MTAP: variants seen among roughly 807,000 people sequenced by gnomAD.
MTAP encodes S-methyl-5'-thioadenosine phosphorylase.
A neutral mutation model predicts 33.6 loss-of-function variants in MTAP; 33 were observed. That is an observed-to-expected ratio of 0.98 (90% CI 0.74 to 1.31). MTAP has a LOEUF of 1.31. Ranked by LOEUF, MTAP falls within the 40% of genes most tolerant of loss-of-function variation. The pLI is 0.00. For missense variants in MTAP, 367 were observed against 360.0 expected, an observed-to-expected ratio of 1.02 and a Z score of -0.16; for synonymous variants, 148 against 125.7, an observed-to-expected ratio of 1.18 and a Z score of -1.19.
Position 21,865,654 on chromosome 9 carries a change from T to C in MTAP, c.*3640T>C. The C allele has an allele frequency of 1.0e-6, 1 of 999,084 alleles. No individual in the cohort carries two copies. The highest frequency in any genetic ancestry group is 1.2e-6 in the Non-Finnish European group (1 of 836,884). The allele number at this position is 999,084 out of a possible 1,614,324, so 61.9% of individuals were successfully genotyped here. A position where few individuals can be genotyped will look rare whatever the true frequency, so the allele number is the denominator to read the frequency against. ...GGAAGAAAAGAAGGAATGCCAAAGA[T>C]CGAGGAAATCTACCAAGACTAGTAG... is the stretch of plus-strand genomic sequence containing the variant. On this transcript the variant is annotated 3_prime_UTR_variant, in exon 8 of 8. Transcript: ENST00000644715.
At chr9:21,939,410 A>G (rs984317672), downstream of MTAP, among the ~76,000 whole-genome samples, 10 of 152,138 alleles carry the variant, frequency 6.6e-5, no homozygotes, top group African/African-American at 2.4e-4. Flanking sequence ...TTCTTTCCTT[A>G]AGCTATCTAT....
chr9:21,929,960 C>A, intron 1 of MTAP: 2 of 424,514 alleles, frequency 4.7e-6, no homozygotes, highest in Non-Finnish European at 9.4e-6. Context: ...ATTCCACCAT[C>A]AACCAAGATT....
chr9:21,830,885 C>T (rs1238432267), intron 4 of MTAP, among the ~76,000 whole-genome samples: 5 of 152,150 alleles, frequency 3.3e-5, no homozygotes, highest in Non-Finnish European at 7.3e-5. Flanking sequence ...TCCTGCCTCC[C>T]ACACCCACCG....
chr9:21,873,068 C>T (rs2118655374), intron 1 of MTAP, among the ~76,000 whole-genome samples: 1 of 152,226 alleles, frequency 6.6e-6, no homozygotes, highest in African/African-American at 2.4e-5. Context: ...TTCATGCCCC[C>T]TTATTACCTT....
At chr9:21,879,863 CA>C (rs1466290328) in intron 1 of MTAP, among the ~76,000 whole-genome samples, 4 of 152,118 alleles carry the variant, frequency 2.6e-5, no homozygotes, top group Non-Finnish European at 5.9e-5. Context: ...TATAGGCCCC[CA>C]ATCCCTTCTG....
intron 1 of MTAP, among the ~76,000 whole-genome samples, chr9:21,890,974 T>A (rs1818192415): frequency 6.6e-6 from 1 of 152,160 alleles, no homozygotes; most frequent in Admixed American, 6.6e-5. Flanking sequence ...GTAGCCACGA[T>A]TTTCCCCAAT....
At chr9:21,930,445 TG>T in intron 1 of MTAP, 1 of 216,586 alleles carries the variant, frequency 4.6e-6, no homozygotes, top group Non-Finnish European at 9.1e-6. Flanking sequence ...TTATACTCCC[TG>T]GCAATCTCTC....
intron 1 of MTAP, among the ~76,000 whole-genome samples, chr9:21,928,085 T>C (rs930515066): frequency 6.6e-5 from 10 of 152,278 alleles, no homozygotes; most frequent in African/African-American, 1.9e-4. Flanking sequence ...TGAACTGCCC[T>C]TCTCCAATAC....
At chr9:21,805,940 GA>G (rs1477115375) in intron 1 of MTAP, among the ~76,000 whole-genome samples, 1 of 152,156 alleles carries the variant, frequency 6.6e-6, no homozygotes, top group Non-Finnish European at 1.5e-5. Context: ...GTAGGAGAGC[GA>G]AAACCAAGAT....
rs986056552 is a variant in MTAP, at chr9:21,822,846, CTCT to C, written c.347+4649_347+4651del. ...GTGCATATAGATTTAGGATAGTTGG[CTCT>C]TCTTGTTGAATTGATCCCTTTACCA... On this transcript the variant is annotated intron_variant, in intron 4 of 7. Transcript: ENST00000644715. Among the ~76,000 whole-genome samples the C allele has an allele frequency of 1.8e-4, 27 of 152,300 alleles. 1 individual carries two copies. The highest frequency in any genetic ancestry group is 1.8e-3 in the Admixed American group (27 of 15,298).
intron 1 of MTAP, among the ~76,000 whole-genome samples, chr9:21,913,669 G>A (rs888583919): frequency 6.6e-6 from 1 of 152,116 alleles, no homozygotes; most frequent in African/African-American, 2.4e-5. Flanking sequence ...TAAAACCATA[G>A]AAACCCTAGA....
At chr9:21,929,010 T>C (rs1024421162) in intron 1 of MTAP, among the ~76,000 whole-genome samples, 2 of 152,106 alleles carry the variant, frequency 1.3e-5, no homozygotes, top group African/African-American at 4.8e-5. Flanking sequence ...CCAGCCTCTG[T>C]ATCTTCCAGG....
At position 21,854,622 on chromosome 9, in the gene MTAP, C is replaced by G; in HGVS notation, c.451-9C>G. The G allele has an allele frequency of 1.3e-6, 2 of 1,529,748 alleles. No homozygotes were observed. The highest frequency in any genetic ancestry group is 2.3e-5 in the East Asian group (1 of 43,992). The allele number at this position is 1,529,748 out of a possible 1,614,324, so 94.8% of individuals were successfully genotyped here. On this transcript the variant is annotated splice_polypyrimidine_tract_variant and intron_variant, in intron 5 of 7. Transcript: ENST00000644715. ...GTATGTTTTGAAGTTTCTGGTTTTT[C>G]TTTTCTAGGTTCTTATAGAGACTGC...
intron 4 of MTAP, among the ~76,000 whole-genome samples, chr9:21,831,451 C>T (rs1030884018): frequency 5.3e-5 from 8 of 152,112 alleles, no homozygotes; most frequent in African/African-American, 1.4e-4. Context: ...ATCCTCAGCC[C>T]GTCTAGTAGC....
chr9:21,828,008 C>T (rs528742578), intron 4 of MTAP, among the ~76,000 whole-genome samples: 23 of 152,194 alleles, frequency 1.5e-4, no homozygotes, highest in African/African-American at 5.1e-4. Context: ...TACGCTGTTG[C>T]ATTTCCCAGA....
intron 1 of MTAP, among the ~76,000 whole-genome samples, chr9:21,897,427 G>C (rs566260694): frequency 6.6e-6 from 1 of 152,326 alleles, no homozygotes; most frequent in Non-Finnish European, 1.5e-5. Flanking sequence ...ATGAGGAAAA[G>C]AGGAAGTCAA....
At chr9:21,931,483 A>C, downstream of MTAP, 1 of 280,284 alleles carries the variant, frequency 3.6e-6, no homozygotes, top group African/African-American at 2.2e-5. Context: ...CTCCCAATAG[A>C]TAGAAAAGTC....
At chr9:21,804,692 A>G (rs1376350123) in intron 1 of MTAP, among the ~76,000 whole-genome samples, 1 of 148,574 alleles carries the variant, frequency 6.7e-6, no homozygotes, top group African/African-American at 2.6e-5. Flanking sequence ...AATAAAAACC[A>G]CATCCTATTC....
At chr9:21,888,708 C>G (rs551410033) in intron 1 of MTAP, among the ~76,000 whole-genome samples, 2 of 152,094 alleles carry the variant, frequency 1.3e-5, no homozygotes, top group Admixed American at 6.6e-5. Context: ...TTATGTCAGT[C>G]CCTGTGTGTT....
Sources: gnomAD v4.1 joint callset for allele counts (sites outside exome capture counted in the v4.1 genomes callset) on GRCh38, gnomAD v4.1.1 for gene constraint, MANE v1.5 for transcripts, NCBI Gene and HGNC (gene_info 2026-07-23, HGNC 2026-07-21) for gene names.